Variants in PVALB observed in about 807,000 individuals in gnomAD.
PVALB encodes the protein parvalbumin.
In PVALB, 11 loss-of-function variants were observed where a neutral mutation model predicts 10.9. That is an observed-to-expected ratio of 1.01 (90% CI 0.63 to 1.67). PVALB has a LOEUF of 1.67. Ranked by LOEUF, PVALB falls within the 40% of genes most tolerant of loss-of-function variation. The pLI is 0.00. For synonymous variants in PVALB, 57 were observed against 50.7 expected (o/e 1.12, Z -0.53); for missense variants, 131 against 136.2 (o/e 0.96, Z 0.19).
chr22:36,817,245 C>T (rs1939159012), upstream of PVALB: 2 of 342,616 alleles, frequency 5.8e-6, no homozygotes, highest in African/African-American at 4.3e-5. Context: ...TCCTGCACCG[C>T]CAGGCCAGGG....
At chr22:36,816,817 C>T (rs962884725) in intron 1 of PVALB, 128 bp downstream of exon 1, 28 of 748,204 alleles carry the variant, frequency 3.7e-5, no homozygotes, top group Middle Eastern at 8.1e-4. Flanking sequence ...CCGACCTCGC[C>T]GGCGCCCAGC....
intron 1 of PVALB, chr22:36,816,389 G>A (rs1477772790): frequency 1.3e-5 from 2 of 152,484 alleles, no homozygotes; most frequent in African/African-American, 2.4e-5. Context: ...GATGCCCCGT[G>A]CGGGCTTAGG....
chr22:36,816,141 C>T (rs564983705), intron 1 of PVALB, among the ~76,000 whole-genome samples: 5 of 152,186 alleles, frequency 3.3e-5, no homozygotes, highest in Admixed American at 6.5e-5. Context: ...GAAAGTTGCC[C>T]TGTCCACCTC....
rs58451670 is a variant in PVALB at position 36,809,855 on chromosome 22, G to GTT, written c.304+3789_304+3790dup. ...GCTAGTGATCTGCCCCATGTCCCAT[G>GTT]TTTTTTTTTTTTTTTTTTGGTTTTT... On this transcript the variant is annotated intron_variant, in intron 3 of 3. Transcript: ENST00000417718. Among the ~76,000 whole-genome samples the GTT allele has an allele frequency of 1.9e-3, 227 of 122,058 alleles. 5 individuals carry two copies. Among genetic ancestry groups the GTT allele is most frequent in the East Asian group, 7.5e-3 (31 of 4,108 alleles). The allele number at this position is 122,058 out of a possible 152,430, so 80.1% of individuals were successfully genotyped here.
chr22:36,812,702 A>G (rs1254304210), intron 3 of PVALB, among the ~76,000 whole-genome samples: 1 of 152,226 alleles, frequency 6.6e-6, no homozygotes, highest in Admixed American at 6.5e-5. Flanking sequence ...ACACCTACAC[A>G]CAGTTTTCTC....
chr22:36,814,243 G>A (rs577543975), intron 2 of PVALB, among the ~76,000 whole-genome samples: 1 of 150,448 alleles, frequency 6.6e-6, no homozygotes, highest in Non-Finnish European at 1.5e-5. Context: ...GATACCTGGA[G>A]GACAGGGGGA....
chr22:36,806,335 G>A (rs562310282), intron 3 of PVALB, among the ~76,000 whole-genome samples: 2 of 152,312 alleles, frequency 1.3e-5, no homozygotes, highest in South Asian at 4.1e-4. Flanking sequence ...GAAGGAGGCA[G>A]CAGAGGGAGG....
Position 36,800,720 on chromosome 22 carries a change from A to C in PVALB, c.*170T>G, listed in dbSNP as rs1027632628. ...GCAGAGTCTGACTGGTACAACCTTT[A>C]TTGCTTCTCCAGCATTTTCCAGAAG... On this transcript the variant is annotated 3_prime_UTR_variant, in exon 4 of 4. Transcript: ENST00000417718. The C allele has an allele frequency of 5.3e-6, 4 of 761,364 alleles. No individual in the cohort carries two copies. Among genetic ancestry groups the C allele is most frequent in the Non-Finnish European group, 9.0e-6 (4 of 444,072 alleles). The allele number at this position is 761,364 out of a possible 1,614,324, so 47.2% of individuals were successfully genotyped here.
chr22:36,800,994 C>T lies in PVALB; in HGVS notation c.305-76G>A, dbSNP rs1423118057. ...AGACTGTCCACACCTGACTGCGGGG[C>T]CCTGGGTGGTGCTCTCTCTGGGTTC... On this transcript the variant is annotated intron_variant, in intron 3 of 3. Transcript: ENST00000417718. The T allele has an allele frequency of 4.1e-6, 6 of 1,453,444 alleles. No homozygotes were observed. The African/African-American group carries it at 4.2e-5, about 10-fold the overall frequency. 90.0% of individuals were successfully genotyped at this position (1,453,444 alleles called of 1,614,324 possible).
At chr22:36,815,267 C>T (rs1384829962) in intron 1 of PVALB, 32 bp from the exon 2 acceptor site, 1 of 1,613,602 alleles carries the variant, frequency 6.2e-7, no homozygotes, top group Non-Finnish European at 8.5e-7. Context: ...CAAACAAGGA[C>T]CAGAAAGGCT....
chr22:36,818,821 G>A (rs953773860), upstream of PVALB: 2 of 152,406 alleles, frequency 1.3e-5, no homozygotes, highest in East Asian at 1.9e-4. Context: ...GGACTCACTC[G>A]TGTGGAGTTC....
chr22:36,813,665 G>A lies in PVALB; in HGVS notation c.285C>T (p.Asp95=), dbSNP rs779969972. 3.2e-5 allele frequency: 52 copies of A among 1,613,748 alleles called. No homozygotes were observed. Among genetic ancestry groups the A allele is most frequent in the Middle Eastern group, 1.6e-4 (1 of 6,084 alleles). Residue 95 remains aspartate, a synonymous_variant, in exon 3 of 4, where the codon GAC becomes GAT. Coordinates refer to ENST00000417718, the MANE Select transcript of PVALB (RefSeq NM_001315532.2). ...MLMAAGDKDG[D]GKIGVDEFST... is the part of the protein sequence containing the mutation. ...ACCCACCGTCAACCCCAATTTTGCCGTCCCCATCTTTGTCTCCAGCAGCCA... is the reference window on the plus strand; with the variant it reads ...ACCCACCGTCAACCCCAATTTTGCCATCCCCATCTTTGTCTCCAGCAGCCA...
chr22:36,809,445 TATGAATGA>T lies in PVALB; in HGVS notation c.304+4193_304+4200del, dbSNP rs201467669. Among the ~76,000 whole-genome samples the T allele has an allele frequency of 3.9e-5, 6 of 152,210 alleles. No individual in the cohort carries two copies. In the South Asian group the frequency reaches 1.2e-3, roughly 32 times the overall value. ...ATAATCATCTTATAGTAAATTAAAC[TATGAATGA>T]ATGAATGAATGAATGAAGCAGGCAG... On this transcript the variant is annotated intron_variant, in intron 3 of 3. Transcript: ENST00000417718.
intron 1 of PVALB, chr22:36,816,255 C>T (rs943018284): frequency 2.6e-5 from 4 of 152,280 alleles, no homozygotes; most frequent in Non-Finnish European, 5.9e-5. Context: ...ATTTCCCCAT[C>T]TGGAGGACAG....
chr22:36,815,516 T>A, intron 1 of PVALB: 4 of 454,702 alleles, frequency 8.8e-6, no homozygotes, highest in Admixed American at 3.4e-5. Flanking sequence ...TTGCTGATGA[T>A]GGGAGCAGCA....
chr22:36,813,590 G>A (rs563857443), intron 3 of PVALB, 56 bp downstream of exon 3: 163 of 1,422,898 alleles, frequency 1.1e-4, no homozygotes, highest in African/African-American at 6.6e-4. Context: ...CAAACTTTTC[G>A]CATCCAACAC....
At position 36,813,729 on chromosome 22, in the gene PVALB, T is replaced by C. The variant is rs767467237; in HGVS notation, c.221A>G (p.Asp74Gly). The C allele has an allele frequency of 6.2e-7, 1 of 1,613,890 alleles. No homozygotes were observed. Among genetic ancestry groups the C allele is most frequent in the Non-Finnish European group, 8.5e-7 (1 of 1,179,810 alleles). Reference sequence around the variant, plus strand: ...TTCTTTAGCAGACAGGTCTCTGGCATCTGGGGAGAAGCCTTTTAGGATGAA... The same window carrying C: ...TTCTTTAGCAGACAGGTCTCTGGCACCTGGGGAGAAGCCTTTTAGGATGAA... ...LGFILKGFSP[D>G]ARDLSAKETK... is the part of the protein sequence containing the mutation. The change falls in exon 3 of 4, where the codon GAT (aspartate) becomes GGT (glycine). Residue 74 changes from aspartate to glycine, a missense_variant. Coordinates refer to ENST00000417718, the MANE Select transcript of PVALB (RefSeq NM_001315532.2).
chr22:36,817,089 T>G (rs1939154275), upstream of PVALB: 2 of 1,304,986 alleles, frequency 1.5e-6, no homozygotes, highest in African/African-American at 3.1e-5. Flanking sequence ...TGACCAGCGC[T>G]GCAGTGCTGC....
At chr22:36,801,776 G>A (rs1311172145) in intron 3 of PVALB, among the ~76,000 whole-genome samples, 1 of 152,066 alleles carries the variant, frequency 6.6e-6, no homozygotes, top group Non-Finnish European at 1.5e-5. Flanking sequence ...CTCCAGCTTG[G>A]GCAATAGAGT....
Sources: allele counts gnomAD v4.1 joint callset (sites outside exome capture counted in the v4.1 genomes callset), GRCh38; gene constraint gnomAD v4.1.1; transcripts MANE v1.5; gene names NCBI Gene and HGNC (gene_info 2026-07-23, HGNC 2026-07-21).